INSL6: variants seen among roughly 807,000 people sequenced by gnomAD.
The protein encoded by INSL6 is insulin like 6, also known as insulin-like peptide INSL6.
A neutral mutation model predicts 9.4 loss-of-function variants in INSL6; 16 were observed. The observed-to-expected ratio is 1.70, with a 90% CI of 1.15 to 2.59. The LOEUF (loss-of-function observed/expected upper bound fraction) is 2.59. INSL6 is among the 30% of genes most tolerant of loss of function. The pLI, the probability that INSL6 is intolerant of heterozygous loss-of-function variation, is 0.00. For synonymous variants in INSL6, 154 were observed against 96.9 expected, an observed-to-expected ratio of 1.59 and a Z score of -3.46; for missense variants, 391 against 257.3, an observed-to-expected ratio of 1.52 and a Z score of -3.56.
chr9:5,087,204 TAC>T, the INSL6 span, among the ~76,000 whole-genome samples: 1 of 152,196 alleles, frequency 6.6e-6, no homozygotes, highest in Admixed American at 6.5e-5. Flanking sequence ...GACTGACAGT[TAC>T]CCATGGCTGG....
the INSL6 span, chr9:5,112,494 G>A: frequency 5.4e-6 from 3 of 558,704 alleles, no homozygotes; most frequent in African/African-American, 5.9e-5. Flanking sequence ...ACAAGGACGA[G>A]GAGGAAGATG....
the INSL6 span, chr9:5,055,757 T>C: frequency 6.2e-7 from 1 of 1,610,936 alleles, no homozygotes; most frequent in Non-Finnish European, 8.5e-7. Context: ...AGCCGAGTTG[T>C]AACTATCCAT....
chr9:5,113,316 T>G, the INSL6 span, among the ~76,000 whole-genome samples: 2 of 144,394 alleles, frequency 1.4e-5, no homozygotes, highest in South Asian at 4.4e-4. Flanking sequence ...TCGTAACATA[T>G]CACTTGAGGG....
chr9:5,013,306 A>AG, the INSL6 span, among the ~76,000 whole-genome samples: 1 of 152,248 alleles, frequency 6.6e-6, no homozygotes, highest in Non-Finnish European at 1.5e-5. Context: ...CCAAAGTAGT[A>AG]TAGGAATAAT....
the INSL6 span, among the ~76,000 whole-genome samples, chr9:5,025,801 G>A: frequency 1.3e-5 from 2 of 152,124 alleles, no homozygotes; most frequent in African/African-American, 2.4e-5. Context: ...CAAAGTGTGT[G>A]AGCCACTGCA....
chr9:5,038,256 G>C, the INSL6 span, among the ~76,000 whole-genome samples: 1 of 152,270 alleles, frequency 6.6e-6, no homozygotes, highest in East Asian at 1.9e-4. Flanking sequence ...AGAAAGAACA[G>C]AAAGTTTGAA....
intron 1 of INSL6, among the ~76,000 whole-genome samples, chr9:5,170,183 T>C (rs1304303683): frequency 6.6e-6 from 1 of 152,066 alleles, no homozygotes; most frequent in Non-Finnish European, 1.5e-5. Flanking sequence ...AAACTAGAAC[T>C]CAAGATTAAG....
chr9:5,043,813 G>GT, the INSL6 span, among the ~76,000 whole-genome samples: 1 of 152,210 alleles, frequency 6.6e-6, no homozygotes, highest in Non-Finnish European at 1.5e-5. Context: ...GATGAACCTT[G>GT]AAAACATTAT....
intron 1 of INSL6, among the ~76,000 whole-genome samples, chr9:5,164,503 C>T (rs1418172691): frequency 6.6e-6 from 1 of 152,224 alleles, no homozygotes; most frequent in Non-Finnish European, 1.5e-5. Context: ...ATATCATTCA[C>T]ATGCTATAAA....
At chr9:5,077,864 A>G in the INSL6 span, among the ~76,000 whole-genome samples, 1 of 152,236 alleles carries the variant, frequency 6.6e-6, no homozygotes, top group Non-Finnish European at 1.5e-5. Context: ...AAAATTATGC[A>G]GAAGTATGTG....
At chr9:5,115,850 TG>T in the INSL6 span, among the ~76,000 whole-genome samples, 1 of 152,114 alleles carries the variant, frequency 6.6e-6, no homozygotes, top group Non-Finnish European at 1.5e-5. Flanking sequence ...AAGTGGGAGT[TG>T]AACAATGACA....
the INSL6 span, chr9:5,041,802 C>A: frequency 8.2e-6 from 4 of 485,648 alleles, no homozygotes; most frequent in Non-Finnish European, 1.6e-5. Context: ...CAAAGATCAG[C>A]CGCACAGCAA....
At chr9:5,066,710 C>G in the INSL6 span, 1 of 1,609,020 alleles carries the variant, frequency 6.2e-7, no homozygotes, top group Non-Finnish European at 8.5e-7. Flanking sequence ...CTGAAGAAAG[C>G]AGGTAATCAG....
At chr9:5,161,230 T>C (rs928700339), downstream of INSL6, among the ~76,000 whole-genome samples, 12 of 152,164 alleles carry the variant, frequency 7.9e-5, no homozygotes. Context: ...TAAAAAATCA[T>C]TCATCATGAC....
chr9:5,055,186 A>G, the INSL6 span, among the ~76,000 whole-genome samples: 4 of 152,048 alleles, frequency 2.6e-5, no homozygotes, highest in Non-Finnish European at 4.4e-5. Flanking sequence ...TGATAACAGA[A>G]GGCATAATTA....
the INSL6 span, chr9:5,113,766 C>G: frequency 6.0e-6 from 1 of 165,784 alleles, no homozygotes; most frequent in Non-Finnish European, 1.3e-5. Context: ...AGCCAGCTGA[C>G]TGCCTCGGGT....
At chr9:5,170,672 C>A (rs1026152385) in intron 1 of INSL6, among the ~76,000 whole-genome samples, 2 of 151,928 alleles carry the variant, frequency 1.3e-5, no homozygotes, top group Non-Finnish European at 2.9e-5. Flanking sequence ...CCACTGACCC[C>A]ACAGAAATAC....
At chr9:5,064,662 C>G in the INSL6 span, among the ~76,000 whole-genome samples, 2 of 152,042 alleles carry the variant, frequency 1.3e-5, no homozygotes, top group African/African-American at 4.8e-5. Flanking sequence ...AAAATGATGG[C>G]TATAGAGTGA....
chr9:5,053,635 G>T, the INSL6 span, among the ~76,000 whole-genome samples: 1 of 152,026 alleles, frequency 6.6e-6, no homozygotes, highest in African/African-American at 2.4e-5. Flanking sequence ...AGGGATAAAT[G>T]GAAGGCAAGA....
Sources: gnomAD v4.1 joint callset for allele counts (sites outside exome capture counted in the v4.1 genomes callset) on GRCh38, gnomAD v4.1.1 for gene constraint, MANE v1.5 for transcripts, NCBI Gene and HGNC (gene_info 2026-07-23, HGNC 2026-07-21) for gene names.